RUNX2: variants seen among roughly 807,000 people sequenced by gnomAD.
RUNX2 encodes the protein RUNX family transcription factor 2, also known as runt-related transcription factor 2.
Under a neutral mutation model 51.7 loss-of-function variants are expected in RUNX2, and 10 were observed. The ratio of observed to expected loss-of-function variants is 0.19; its 90% confidence interval spans 0.12 to 0.33. The LOEUF is 0.33. Ranked by LOEUF, RUNX2 falls within the 10% of genes least tolerant of loss-of-function variation. The probability of loss-of-function intolerance (pLI) is 1.00; values close to 1 mark genes in which losing one functional copy is unlikely to be tolerated. For synonymous variants in RUNX2, 276 were observed against 273.6 expected, an observed-to-expected ratio of 1.01 and a Z score of -0.09; for missense variants, 562 against 691.3, an observed-to-expected ratio of 0.81 and a Z score of 2.10.
chr6:45,430,687 T>C (rs1216574098), intron 3 of RUNX2, among the ~76,000 whole-genome samples: 1 of 152,114 alleles, frequency 6.6e-6, no homozygotes, highest in Non-Finnish European at 1.5e-5. Flanking sequence ...GGAGTAGCAC[T>C]AGAAGGAGAA....
At chr6:45,340,021 C>G (rs1379452254) in intron 2 of RUNX2, among the ~76,000 whole-genome samples, 3 of 152,130 alleles carry the variant, frequency 2.0e-5, no homozygotes, top group Non-Finnish European at 4.4e-5. Context: ...CTCAAGGTTA[C>G]AGAGTTGAAG....
At chr6:45,452,707 C>A (rs1275847631) in intron 5 of RUNX2, among the ~76,000 whole-genome samples, 1 of 151,972 alleles carries the variant, frequency 6.6e-6, no homozygotes, top group Non-Finnish European at 1.5e-5. Flanking sequence ...TAGATGAGTT[C>A]TTGTTTTGAA....
intron 8 of RUNX2, among the ~76,000 whole-genome samples, chr6:45,545,767 A>G (rs1802380591): frequency 6.6e-6 from 1 of 152,186 alleles, no homozygotes; most frequent in Non-Finnish European, 1.5e-5. Flanking sequence ...ATAATAATAA[A>G]CCCAATCTTT....
intron 3 of RUNX2, among the ~76,000 whole-genome samples, chr6:45,423,839 G>T (rs1798307488): frequency 6.6e-6 from 1 of 152,210 alleles, no homozygotes; most frequent in South Asian, 2.1e-4. Flanking sequence ...GCTGGGAGGC[G>T]CGGGCCAGGG....
At chr6:45,417,057 C>T (rs924372271) in intron 2 of RUNX2, among the ~76,000 whole-genome samples, 11 of 152,036 alleles carry the variant, frequency 7.2e-5, no homozygotes, top group Non-Finnish European at 4.4e-5. Flanking sequence ...CAGTATTTAA[C>T]GGTATAAAAA....
intron 6 of RUNX2, among the ~76,000 whole-genome samples, chr6:45,498,776 T>C (rs1800717846): frequency 6.6e-6 from 1 of 152,220 alleles, no homozygotes; most frequent in South Asian, 2.1e-4. Flanking sequence ...TTAGGCTGTG[T>C]ATATGTTTGG....
At chr6:45,386,068 CTTT>C (rs112684794) in intron 2 of RUNX2, among the ~76,000 whole-genome samples, 2 of 135,020 alleles carry the variant, frequency 1.5e-5, no homozygotes, top group Non-Finnish European at 1.6e-5. Flanking sequence ...CTTATTAGTG[CTTT>C]TTTTTTTTTT....
At chr6:45,342,052 T>C (rs1789889668) in intron 2 of RUNX2, among the ~76,000 whole-genome samples, 1 of 148,780 alleles carries the variant, frequency 6.7e-6, no homozygotes. Flanking sequence ...GAAGAGATAT[T>C]ACAAAGAAAC....
chr6:45,423,565 G>A (rs920100056), intron 3 of RUNX2, among the ~76,000 whole-genome samples: 1 of 152,130 alleles, frequency 6.6e-6, no homozygotes, highest in Admixed American at 6.5e-5. Context: ...CCCGTGCCGG[G>A]ATTCGTGGGG....
chr6:45,368,402 A>C (rs1425463268), intron 2 of RUNX2, among the ~76,000 whole-genome samples: 1 of 152,208 alleles, frequency 6.6e-6, no homozygotes, highest in Non-Finnish European at 1.5e-5. Flanking sequence ...AAGGAATTTA[A>C]GGATGCACGC....
intron 3 of RUNX2, among the ~76,000 whole-genome samples, chr6:45,423,279 C>A (rs1012267082): frequency 3.9e-5 from 6 of 152,124 alleles, no homozygotes; most frequent in Admixed American, 3.9e-4. Context: ...GTCTCCCTTT[C>A]CCCCAGGATC....
chr6:45,480,617 G>A (rs1800085878), intron 5 of RUNX2, among the ~76,000 whole-genome samples: 1 of 152,186 alleles, frequency 6.6e-6, no homozygotes, highest in Non-Finnish European at 1.5e-5. Flanking sequence ...ATGTGCCTAT[G>A]CACTGTATTA....
intron 5 of RUNX2, among the ~76,000 whole-genome samples, chr6:45,488,260 C>A (rs572749954): frequency 2.6e-5 from 4 of 152,224 alleles, no homozygotes; most frequent in African/African-American, 9.6e-5. Flanking sequence ...AATGTCTAGG[C>A]TTTTGGCTTA....
intron 2 of RUNX2, among the ~76,000 whole-genome samples, chr6:45,369,328 C>T (rs1458384970): frequency 3.3e-5 from 5 of 152,142 alleles, no homozygotes; most frequent in African/African-American, 1.2e-4. Flanking sequence ...ACTCTACTGA[C>T]CTAAGCCCAT....
intron 7 of RUNX2, among the ~76,000 whole-genome samples, chr6:45,544,196 T>A (rs1802319587): frequency 6.6e-6 from 1 of 152,200 alleles, no homozygotes; most frequent in African/African-American, 2.4e-5. Flanking sequence ...GTTAAAATAC[T>A]GTAAACCTAG....
rs757144784 is a variant in RUNX2, at chr6:45,328,414, G to A, written c.-113G>A. Reference sequence around the variant, plus strand: ...AGCAAGAAGTCTCTGGTTTTTAAATGGTTAATCTCCGCAGGTCACTACCAG... The same window carrying A: ...AGCAAGAAGTCTCTGGTTTTTAAATAGTTAATCTCCGCAGGTCACTACCAG... On this transcript the variant is annotated 5_prime_UTR_variant, in exon 1 of 9. The change abolishes an upstream ATG in the 5' untranslated region. Coordinates refer to ENST00000647337, the MANE Select transcript of RUNX2 (RefSeq NM_001024630.4). 9.1e-6 allele frequency: 13 copies of A among 1,426,898 alleles called. No homozygotes were observed. Among genetic ancestry groups the A allele is most frequent in the Non-Finnish European group, 1.1e-5 (12 of 1,061,662 alleles). The allele number at this position is 1,426,898 out of a possible 1,614,324, so 88.4% of individuals were successfully genotyped here.
Position 45,328,399 on chromosome 6 carries a change from C to T in RUNX2, c.-128C>T. On this transcript the variant is annotated 5_prime_UTR_variant, in exon 1 of 9. Coordinates refer to ENST00000647337, the MANE Select transcript of RUNX2 (RefSeq NM_001024630.4). ...TTTCTCCAGGAGGACAGCAAGAAGT[C>T]TCTGGTTTTTAAATGGTTAATCTCC... is the stretch of plus-strand genomic sequence containing the variant. 7.1e-7 allele frequency: 1 copy of T among 1,412,402 alleles called. No individual in the cohort carries two copies. The highest frequency in any genetic ancestry group is 9.5e-7 in the Non-Finnish European group (1 of 1,052,226). 87.5% of individuals were successfully genotyped at this position (1,412,402 alleles called of 1,614,324 possible).
At chr6:45,516,281 T>C (rs1443146624) in intron 7 of RUNX2, among the ~76,000 whole-genome samples, 2 of 152,224 alleles carry the variant, frequency 1.3e-5, no homozygotes, top group African/African-American at 2.4e-5. Context: ...TCAGGAAATA[T>C]TTCCTTAACA....
chr6:45,532,606 G>A (rs1801895997), intron 7 of RUNX2, among the ~76,000 whole-genome samples: 1 of 152,124 alleles, frequency 6.6e-6, no homozygotes, highest in African/African-American at 2.4e-5. Context: ...GAAAAAAAAT[G>A]AACCACCAAT....
Sources: gnomAD v4.1 joint callset for allele counts (sites outside exome capture counted in the v4.1 genomes callset) on GRCh38, gnomAD v4.1.1 for gene constraint, MANE v1.5 for transcripts, NCBI Gene and HGNC (gene_info 2026-07-23, HGNC 2026-07-21) for gene names.